SPOCK1: variants seen among roughly 807,000 people sequenced by gnomAD.
The protein encoded by SPOCK1 is testican-1.
SPOCK1 carries 23 observed loss-of-function variants against 55.3 expected under a neutral mutation model. The observed-to-expected ratio is 0.42, with a 90% CI of 0.30 to 0.59. SPOCK1 has a LOEUF of 0.59. Ranked by LOEUF, SPOCK1 falls within the 20% of genes least tolerant of loss-of-function variation. SPOCK1 has a pLI of 0.22. For missense variants in SPOCK1, 499 were observed against 552.5 expected (o/e 0.90, Z 0.97); for synonymous variants, 226 against 221.0 (o/e 1.02, Z -0.20).
intron 2 of SPOCK1, among the ~76,000 whole-genome samples, chr5:137,449,838 A>T (rs1316785512): frequency 1.5e-5 from 2 of 131,300 alleles, no homozygotes; most frequent in Non-Finnish European, 3.1e-5. Flanking sequence ...GTGAGCTATG[A>T]TCATAGCCAC....
chr5:136,979,393 C>G lies in SPOCK1; in HGVS notation c.1068G>C (p.Trp356Cys). 1 of 1,614,136 alleles carries G rather than the reference C, an allele frequency of 6.2e-7. No individual in the cohort carries two copies. Among genetic ancestry groups the G allele is most frequent in the Non-Finnish European group, 8.5e-7 (1 of 1,180,000 alleles). Residue 356 changes from tryptophan to cysteine, a missense_variant, in exon 10 of 11, where the codon TGG becomes TGC. By Grantham distance (215) the Trp-to-Cys change is radical. This residue lies in a region of SPOCK1 where 30 missense variants were observed against 64.4 expected (regional missense o/e 0.47). Coordinates refer to ENST00000394945, the MANE Select transcript of SPOCK1 (RefSeq NM_004598.4). Reference protein sequence around the residue: ...TQCHGSTGQCWCVDKYGNELA... With the variant: ...TQCHGSTGQCCCVDKYGNELA... ...ACTCATTCCCATATTTGTCCACACA[C>G]CAGCACTGCCCCGTGCTGCCGTGGC...
intron 7 of SPOCK1, 62 bp from the exon 8 acceptor site, chr5:136,988,705 C>T: frequency 6.7e-7 from 1 of 1,482,154 alleles, no homozygotes; most frequent in South Asian, 1.4e-5. Context: ...CCTGCTCACT[C>T]CCCAGCTTTC....
intron 3 of SPOCK1, among the ~76,000 whole-genome samples, chr5:137,239,454 T>G (rs1224257532): frequency 2.6e-5 from 4 of 152,224 alleles, no homozygotes; most frequent in Non-Finnish European, 4.4e-5. Flanking sequence ...AGCAACATAT[T>G]GAACATGAGA....
At chr5:137,005,825 A>G (rs966399453) in intron 6 of SPOCK1, among the ~76,000 whole-genome samples, 4 of 152,206 alleles carry the variant, frequency 2.6e-5, no homozygotes, top group Non-Finnish European at 4.4e-5. Context: ...ACAACAATGG[A>G]ACATGACATA....
intron 3 of SPOCK1, among the ~76,000 whole-genome samples, chr5:137,211,697 C>T (rs1046867012): frequency 1.3e-5 from 2 of 152,128 alleles, no homozygotes; most frequent in African/African-American, 2.4e-5. Flanking sequence ...CCCAACCTCT[C>T]GGCTGGAGAG....
chr5:137,473,894 G>A (rs1447888661), intron 2 of SPOCK1, among the ~76,000 whole-genome samples: 6 of 152,174 alleles, frequency 3.9e-5, no homozygotes, highest in Admixed American at 3.9e-4. Flanking sequence ...TATATACGAT[G>A]GAATACTATG....
intron 3 of SPOCK1, among the ~76,000 whole-genome samples, chr5:137,198,446 C>T (rs568953637): frequency 2.0e-5 from 3 of 152,366 alleles, no homozygotes; most frequent in African/African-American, 7.2e-5. Flanking sequence ...GCTGGATAAA[C>T]AGCTATCAAA....
intron 2 of SPOCK1, among the ~76,000 whole-genome samples, chr5:137,488,935 G>T (rs1746783901): frequency 6.6e-6 from 1 of 152,106 alleles, no homozygotes; most frequent in Non-Finnish European, 1.5e-5. Flanking sequence ...CCAAAGAAAA[G>T]TTTGTTTTTG....
chr5:137,104,293 G>A (rs1181382576), intron 5 of SPOCK1, among the ~76,000 whole-genome samples: 1 of 152,154 alleles, frequency 6.6e-6, no homozygotes, highest in Non-Finnish European at 1.5e-5. Context: ...AGATGGGCCT[G>A]CTTCCACTTC....
intron 2 of SPOCK1, among the ~76,000 whole-genome samples, chr5:137,354,619 G>T (rs2698235): frequency 0.21 from 32,390 of 152,068 alleles, 3,530 homozygotes; most frequent in South Asian, 0.27. Flanking sequence ...TTGCAGAACA[G>T]ACTGTCTAAT....
At chr5:137,229,679 A>G in intron 3 of SPOCK1, among the ~76,000 whole-genome samples, 1 of 152,168 alleles carries the variant, frequency 6.6e-6, no homozygotes. Context: ...TTTTGGCACC[A>G]GGGACCAGTT....
intron 2 of SPOCK1, among the ~76,000 whole-genome samples, chr5:137,350,196 G>A (rs1750649191): frequency 6.6e-6 from 1 of 152,162 alleles, no homozygotes; most frequent in Admixed American, 6.5e-5. Context: ...AAGTTACAGT[G>A]CTATGGACAG....
chr5:137,420,186 C>G (rs1394321598), intron 2 of SPOCK1, among the ~76,000 whole-genome samples: 6 of 152,078 alleles, frequency 3.9e-5, no homozygotes, highest in Non-Finnish European at 7.4e-5. Flanking sequence ...TGTGCTGCTG[C>G]ATTCGGTTTG....
intron 6 of SPOCK1, among the ~76,000 whole-genome samples, chr5:137,011,338 G>T (rs558437884): frequency 1.3e-5 from 2 of 152,266 alleles, no homozygotes; most frequent in South Asian, 2.1e-4. Flanking sequence ...GCATAGACAA[G>T]AATTTGAACA....
chr5:137,315,394 A>G (rs1402336503), intron 2 of SPOCK1, among the ~76,000 whole-genome samples: 1 of 152,236 alleles, frequency 6.6e-6, no homozygotes, highest in Non-Finnish European at 1.5e-5. Context: ...ATACAGGTTC[A>G]GCAAACTTTT....
chr5:137,345,066 A>T (rs1169667346), intron 2 of SPOCK1, among the ~76,000 whole-genome samples: 1 of 152,230 alleles, frequency 6.6e-6, no homozygotes, highest in Non-Finnish European at 1.5e-5. Context: ...GAAAGTGAAT[A>T]AACTCACACA....
At chr5:137,297,812 C>T (rs936980447) in intron 2 of SPOCK1, among the ~76,000 whole-genome samples, 4 of 152,052 alleles carry the variant, frequency 2.6e-5, no homozygotes, top group African/African-American at 9.7e-5. Flanking sequence ...ACAGGGCAGA[C>T]TTCTGGCACA....
chr5:137,131,989 A>AAAAATATAT (rs1391176339), intron 4 of SPOCK1, among the ~76,000 whole-genome samples: 2 of 36,052 alleles, frequency 5.5e-5, no homozygotes, highest in African/African-American at 3.7e-4. Context: ...AAAAAAAAAA[A>AAAAATATAT]ATATATATAT....
chr5:136,983,812 A>C (rs1750784048), intron 9 of SPOCK1, among the ~76,000 whole-genome samples: 1 of 152,242 alleles, frequency 6.6e-6, no homozygotes, highest in Non-Finnish European at 1.5e-5. Flanking sequence ...TAATCTCCAT[A>C]TGTGGGAAAT....
Sources: allele counts gnomAD v4.1 joint callset (sites outside exome capture counted in the v4.1 genomes callset), GRCh38; gene constraint gnomAD v4.1.1; regional missense constraint gnomAD v4.1.1; transcripts MANE v1.5; gene names NCBI Gene and HGNC (gene_info 2026-07-23, HGNC 2026-07-21).